Variants in RBFOX1 observed in about 807,000 individuals in gnomAD.
RBFOX1 encodes the protein RNA binding fox-1 homolog 1.
Under a neutral mutation model 57.7 loss-of-function variants are expected in RBFOX1, and 8 were observed. The observed-to-expected ratio is 0.14, with a 90% CI of 0.08 to 0.25. The LOEUF (loss-of-function observed/expected upper bound fraction) is 0.25. Among genes scored for constraint, RBFOX1 ranks in the 10% least tolerant of loss-of-function variants. The pLI, the probability that RBFOX1 is intolerant of heterozygous loss-of-function variation, is 1.00. For synonymous variants in RBFOX1, 326 were observed against 222.4 expected (o/e 1.47, Z -4.15); for missense variants, 611 against 548.5 (o/e 1.11, Z -1.14).
At chr16:6,017,217 G>A (rs1357344458), upstream of RBFOX1, among the ~76,000 whole-genome samples, 1 of 152,004 alleles carries the variant, frequency 6.6e-6, no homozygotes, top group African/African-American at 2.4e-5. Context: ...GTTCCTTTCT[G>A]GAATAAAAAA....
chr16:6,282,496 C>T (rs1459389696), intron 1 of RBFOX1, among the ~76,000 whole-genome samples: 1 of 151,850 alleles, frequency 6.6e-6, no homozygotes, highest in African/African-American at 2.4e-5. Context: ...GTGTTAAGCC[C>T]TGCATGCATT....
At chr16:6,267,603 G>C (rs1598991765) in intron 1 of RBFOX1, among the ~76,000 whole-genome samples, 1 of 152,244 alleles carries the variant, frequency 6.6e-6, no homozygotes, top group East Asian at 1.9e-4. Context: ...TTTTTCTGAA[G>C]GTATGGGTGG....
chr16:6,635,688 T>G (rs937090274), intron 2 of RBFOX1, among the ~76,000 whole-genome samples: 1 of 152,178 alleles, frequency 6.6e-6, no homozygotes, highest in Non-Finnish European at 1.5e-5. Flanking sequence ...CTTACGGTTT[T>G]GTGAATTCAA....
chr16:6,713,036 C>T (rs1397709066), intron 3 of RBFOX1, among the ~76,000 whole-genome samples: 1 of 151,946 alleles, frequency 6.6e-6, no homozygotes, highest in Non-Finnish European at 1.5e-5. Flanking sequence ...CTTTGCTTTC[C>T]ACCATGATTG....
At chr16:7,579,564 C>T (rs1042485704) in intron 5 of RBFOX1, among the ~76,000 whole-genome samples, 4 of 152,148 alleles carry the variant, frequency 2.6e-5, no homozygotes, top group African/African-American at 9.7e-5. Flanking sequence ...GTCTGCTTTT[C>T]CCACTGCCTA....
intron 3 of RBFOX1, among the ~76,000 whole-genome samples, chr16:5,861,496 G>T (rs1436153101): frequency 6.6e-6 from 1 of 152,218 alleles, no homozygotes; most frequent in African/African-American, 2.4e-5. Flanking sequence ...ACGTGGAAGA[G>T]ATCTGTTATT....
rs953432976 is a variant in RBFOX1 at position 6,140,707 on chromosome 16, A to G, written c.-127+120715A>G. On this transcript the variant is annotated intron_variant, in intron 1 of 15. Transcript: ENST00000550418. ...GTCCCCTTTGTCAAGGATAGAGTCA[A>G]TCCCATTCCTTCTAGTAGATCTTCC... Among the ~76,000 whole-genome samples the G allele has an allele frequency of 2.6e-5, 4 of 152,314 alleles. No individual in the cohort carries two copies. The South Asian group carries it at 6.2e-4, about 24-fold the overall frequency.
chr16:6,975,757 C>T (rs1273511398), intron 3 of RBFOX1, among the ~76,000 whole-genome samples: 1 of 152,142 alleles, frequency 6.6e-6, no homozygotes, highest in East Asian at 1.9e-4. Context: ...ACTCCTATGA[C>T]CCCTAAAGTG....
At chr16:6,567,916 G>A (rs1449606816) in intron 2 of RBFOX1, among the ~76,000 whole-genome samples, 1 of 152,092 alleles carries the variant, frequency 6.6e-6, no homozygotes, top group Non-Finnish European at 1.5e-5. Context: ...GAACTGCCAG[G>A]CTCAAGCAAT....
intron 3 of RBFOX1, among the ~76,000 whole-genome samples, chr16:6,914,295 C>T (rs12448040): frequency 0.21 from 31,724 of 151,964 alleles, 3,631 homozygotes; most frequent in Non-Finnish European, 0.26. Context: ...TTATAATTTC[C>T]GGGCTAGGAG....
At chr16:7,073,718 A>G (rs942194531) in intron 4 of RBFOX1, among the ~76,000 whole-genome samples, 2 of 152,014 alleles carry the variant, frequency 1.3e-5, no homozygotes, top group Non-Finnish European at 2.9e-5. Flanking sequence ...AAAAAATTAC[A>G]CAGGAACGGT....
intron 3 of RBFOX1, among the ~76,000 whole-genome samples, chr16:6,665,903 C>T (rs188401307): frequency 3.1e-4 from 47 of 152,080 alleles, no homozygotes; most frequent in African/African-American, 1.0e-3. Context: ...ACCCAAATCT[C>T]ATCTTGAATT....
At chr16:7,097,472 C>A (rs955413807) in intron 4 of RBFOX1, among the ~76,000 whole-genome samples, 6 of 152,110 alleles carry the variant, frequency 3.9e-5, no homozygotes, top group African/African-American at 1.4e-4. Context: ...CAGAGGAGGA[C>A]AGTAAGAGAG....
intron 4 of RBFOX1, among the ~76,000 whole-genome samples, chr16:7,450,740 G>C (rs1221988092): frequency 6.6e-6 from 1 of 152,156 alleles, no homozygotes; most frequent in Admixed American, 6.5e-5. Flanking sequence ...TAGGTCTTCA[G>C]GTTGCTGAGT....
At chr16:7,666,211 C>T (rs960295514) in intron 13 of RBFOX1, among the ~76,000 whole-genome samples, 2 of 152,152 alleles carry the variant, frequency 1.3e-5, no homozygotes, top group African/African-American at 4.8e-5. Context: ...ATCACCAGTC[C>T]TGGCTCTCGA....
intron 3 of RBFOX1, among the ~76,000 whole-genome samples, chr16:5,750,434 C>T (rs774457401): frequency 6.6e-6 from 1 of 152,220 alleles, no homozygotes; most frequent in Admixed American, 6.5e-5. Context: ...GTTTCTGCTA[C>T]CTTTTGTTTG....
chr16:7,156,615 G>T (rs191695465), intron 4 of RBFOX1, among the ~76,000 whole-genome samples: 1 of 151,872 alleles, frequency 6.6e-6, no homozygotes, highest in African/African-American at 2.4e-5. Flanking sequence ...ACATATATAT[G>T]TATATACATA....
intron 2 of RBFOX1, among the ~76,000 whole-genome samples, chr16:5,555,531 A>G (rs1439244313): frequency 6.6e-6 from 1 of 151,236 alleles, no homozygotes; most frequent in Non-Finnish European, 1.5e-5. Context: ...GATTACAGGC[A>G]TGAGCCACTG....
At chr16:7,308,229 C>A (rs952739183) in intron 4 of RBFOX1, among the ~76,000 whole-genome samples, 2 of 151,012 alleles carry the variant, frequency 1.3e-5, no homozygotes, top group Non-Finnish European at 2.9e-5. Flanking sequence ...TATGGTGAGG[C>A]AACAGACAGG....
Sources: allele counts gnomAD v4.1 joint callset (sites outside exome capture counted in the v4.1 genomes callset), GRCh38; gene constraint gnomAD v4.1.1; transcripts MANE v1.5; gene names NCBI Gene and HGNC (gene_info 2026-07-23, HGNC 2026-07-21).